MSI2: variants seen among roughly 807,000 people sequenced by gnomAD.
MSI2 encodes the protein musashi RNA binding protein 2.
MSI2 carries 17 observed loss-of-function variants against 45.6 expected under a neutral mutation model. That is an observed-to-expected ratio of 0.37 (90% confidence interval 0.26 to 0.56). The LOEUF is 0.56. MSI2 is among the 20% of genes least tolerant of loss of function. MSI2 has a pLI of 0.77. For synonymous variants in MSI2, 156 were observed against 158.2 expected, an observed-to-expected ratio of 0.99 and a Z score of 0.11; for missense variants, 293 against 444.2, an observed-to-expected ratio of 0.66 and a Z score of 3.06.
intron 6 of MSI2, among the ~76,000 whole-genome samples, chr17:57,437,721 T>G (rs1013252180): frequency 1.3e-5 from 2 of 152,236 alleles, no homozygotes; most frequent in Non-Finnish European, 1.5e-5. Context: ...AGTTCATGTA[T>G]TCTATGCCCT....
In MSI2 at chr17:57,407,197, C is replaced by T. The variant is rs536228225; in HGVS notation, c.405+5726C>T. Among the ~76,000 whole-genome samples the T allele has an allele frequency of 3.7e-4, 57 of 152,122 alleles. No individual in the cohort carries two copies. Among genetic ancestry groups the T allele is most frequent in the African/African-American group, 1.2e-3 (51 of 41,490 alleles). ...TTTTTTTAATGTAATGAGACCTTCC[C>T]GTTTATCCGGCCAGCGTGGGCGATT... is the stretch of plus-strand genomic sequence containing the variant. On this transcript the variant is annotated intron_variant, in intron 6 of 13. Transcript: ENST00000284073. The surrounding 1 kb of genome is among the most constrained non-coding windows in gnomAD (Gnocchi z 4.1).
At chr17:57,505,644 G>A (rs1380967853) in intron 6 of MSI2, among the ~76,000 whole-genome samples, 1 of 152,068 alleles carries the variant, frequency 6.6e-6, no homozygotes, top group African/African-American at 2.4e-5. Flanking sequence ...TTTTGCCAGG[G>A]GAGTAAAAAC....
At chr17:57,496,750 C>G (rs1023223891) in intron 6 of MSI2, among the ~76,000 whole-genome samples, 1 of 152,240 alleles carries the variant, frequency 6.6e-6, no homozygotes, top group African/African-American at 2.4e-5. Flanking sequence ...CAAGACAGTT[C>G]AGCACCTGAA....
chr17:57,623,755 G>A (rs990609014), intron 9 of MSI2, among the ~76,000 whole-genome samples: 1 of 152,206 alleles, frequency 6.6e-6, no homozygotes, highest in East Asian at 1.9e-4. Context: ...CGTCTGCACG[G>A]GTCTGCTGTA....
chr17:57,574,991 C>A (rs148622720), intron 7 of MSI2, among the ~76,000 whole-genome samples: 1 of 152,076 alleles, frequency 6.6e-6, no homozygotes, highest in African/African-American at 2.4e-5. Context: ...CCACCACGCC[C>A]GGCTAATTTT....
In MSI2 at chr17:57,681,635, T is replaced by TAA. The variant is rs943044779; in HGVS notation, c.*2127_*2128dup. On this transcript the variant is annotated 3_prime_UTR_variant, in exon 14 of 14. Coordinates refer to ENST00000284073, the MANE Select transcript of MSI2 (RefSeq NM_138962.4). ...AAACAGCAACAACATTTTTTTTAAT[T>TAA]AAAAAAAAAATCATGTTCTTTGTTT... The TAA allele has an allele frequency of 5.5e-6, 1 of 182,196 alleles. No homozygotes were observed. The highest frequency in any genetic ancestry group is 1.2e-5 in the Non-Finnish European group (1 of 86,366). 11.3% of individuals were successfully genotyped at this position (182,196 alleles called of 1,614,324 possible). A position where few individuals can be genotyped will look rare whatever the true frequency, so the allele number is the denominator to read the frequency against.
chr17:57,510,600 G>A (rs571018557), intron 6 of MSI2, among the ~76,000 whole-genome samples: 5 of 151,970 alleles, frequency 3.3e-5, no homozygotes, highest in African/African-American at 1.2e-4. Flanking sequence ...GCTAATTTCT[G>A]TATTATTAGT....
intron 5 of MSI2, among the ~76,000 whole-genome samples, chr17:57,319,581 T>A (rs1357850867): frequency 1.3e-5 from 2 of 152,272 alleles, no homozygotes; most frequent in Non-Finnish European, 2.9e-5. Flanking sequence ...GAACACATTT[T>A]CTCAATTAAT....
At chr17:57,390,293 T>C (rs763345810) in intron 5 of MSI2, among the ~76,000 whole-genome samples, 1 of 152,146 alleles carries the variant, frequency 6.6e-6, no homozygotes, top group Non-Finnish European at 1.5e-5. Flanking sequence ...ATCCTTGCCA[T>C]TTTTCCCGTT....
At chr17:57,392,243 A>G (rs2144089165) in intron 5 of MSI2, among the ~76,000 whole-genome samples, 1 of 152,318 alleles carries the variant, frequency 6.6e-6, no homozygotes, top group African/African-American at 2.4e-5. Context: ...CTCTGATAGT[A>G]ATCTGTGGAC....
chr17:57,374,620 T>G (rs952730292), intron 5 of MSI2, among the ~76,000 whole-genome samples: 1 of 151,826 alleles, frequency 6.6e-6, no homozygotes, highest in Non-Finnish European at 1.5e-5. Flanking sequence ...CTACTAATGA[T>G]ACAAAAAATT....
intron 6 of MSI2, among the ~76,000 whole-genome samples, chr17:57,505,605 A>G (rs1567864560): frequency 6.6e-6 from 1 of 152,196 alleles, no homozygotes; most frequent in Non-Finnish European, 1.5e-5. Flanking sequence ...TTAAGCAGAA[A>G]TGTGTACAAC....
At chr17:57,461,726 G>A (rs2085234267) in intron 6 of MSI2, among the ~76,000 whole-genome samples, 1 of 152,028 alleles carries the variant, frequency 6.6e-6, no homozygotes, top group Admixed American at 6.6e-5. Context: ...GTAGAGACAG[G>A]TTTCACCATG....
chr17:57,483,580 T>C (rs1276089540), intron 6 of MSI2, among the ~76,000 whole-genome samples: 1 of 152,148 alleles, frequency 6.6e-6, no homozygotes, highest in Non-Finnish European at 1.5e-5. Context: ...ACCCTTACCC[T>C]ACCTAGGGCT....
intron 5 of MSI2, among the ~76,000 whole-genome samples, chr17:57,393,488 A>G (rs979044501): frequency 6.6e-6 from 1 of 152,026 alleles, no homozygotes; most frequent in Non-Finnish European, 1.5e-5. Flanking sequence ...ATAATATTCT[A>G]TTTATGGATG....
intron 5 of MSI2, among the ~76,000 whole-genome samples, chr17:57,293,604 T>TTTG (rs937347650): frequency 1.3e-4 from 19 of 147,856 alleles, no homozygotes; most frequent in Admixed American, 3.3e-4. Context: ...TGTTTTTTTT[T>TTTG]TTGTTTTTTT....
intron 5 of MSI2, chr17:57,285,736 G>C: frequency 1.1e-6 from 1 of 889,258 alleles, no homozygotes. Flanking sequence ...GTATTCCTGA[G>C]AATTTCTGTG....
chr17:57,271,110 C>T (rs1013116318), intron 5 of MSI2, among the ~76,000 whole-genome samples: 2 of 152,202 alleles, frequency 1.3e-5, no homozygotes, highest in African/African-American at 4.8e-5. Flanking sequence ...AGTCTTCTCT[C>T]TCCCTGTACT....
chr17:57,543,800 T>C (rs756266096), intron 7 of MSI2, among the ~76,000 whole-genome samples: 9 of 152,246 alleles, frequency 5.9e-5, no homozygotes, highest in Non-Finnish European at 1.3e-4. Context: ...ATTTTGCCCA[T>C]ATGTTTTACA....
Sources: gnomAD v4.1 joint callset for allele counts (sites outside exome capture counted in the v4.1 genomes callset) on GRCh38, gnomAD v4.1.1 for gene constraint, Gnocchi (gnomAD v3.1) non-coding constraint, MANE v1.5 for transcripts, NCBI Gene and HGNC (gene_info 2026-07-23, HGNC 2026-07-21) for gene names.